The following EXOC2 variants were observed in gnomAD, a reference collection of about 807,000 sequenced individuals.
The protein encoded by EXOC2 is SEC5-like 1.
A neutral mutation model predicts 131.8 loss-of-function variants in EXOC2; 70 were observed. That is an observed-to-expected ratio of 0.53 (90% CI 0.44 to 0.65). The LOEUF is 0.65. EXOC2 is among the 30% of genes least tolerant of loss of function. The pLI, the probability that EXOC2 is intolerant of heterozygous loss-of-function variation, is 0.00. For synonymous variants in EXOC2, 411 were observed against 398.4 expected, an observed-to-expected ratio of 1.03 and a Z score of -0.38; for missense variants, 923 against 1,108.6, an observed-to-expected ratio of 0.83 and a Z score of 2.38.
intron 22 of EXOC2, among the ~76,000 whole-genome samples, chr6:537,990 A>G (rs1766566992): frequency 2.0e-5 from 3 of 152,218 alleles, no homozygotes; most frequent in Non-Finnish European, 4.4e-5. Flanking sequence ...GAACGTGTGC[A>G]TATGTAAAAA....
At chr6:600,309 T>G (rs1278589749) in intron 7 of EXOC2, among the ~76,000 whole-genome samples, 2 of 152,242 alleles carry the variant, frequency 1.3e-5, no homozygotes, top group Non-Finnish European at 2.9e-5. Flanking sequence ...ATTCTACATT[T>G]CTATTATAAG....
At chr6:683,278 T>G (rs1764494747) in intron 1 of EXOC2, among the ~76,000 whole-genome samples, 1 of 152,158 alleles carries the variant, frequency 6.6e-6, no homozygotes. Flanking sequence ...CCAAGTGATA[T>G]CAAGAGTCTA....
intron 1 of EXOC2, among the ~76,000 whole-genome samples, chr6:649,484 T>C (rs1233019758): frequency 6.6e-6 from 1 of 152,126 alleles, no homozygotes; most frequent in Non-Finnish European, 1.5e-5. Flanking sequence ...ACTTACGTAC[T>C]ATCCATTACC....
chr6:585,361 G>T (rs886718130), intron 11 of EXOC2, among the ~76,000 whole-genome samples: 12 of 152,182 alleles, frequency 7.9e-5, no homozygotes, highest in Non-Finnish European at 1.8e-4. Context: ...AGGTGTGTGA[G>T]GTGCAAGGGT....
intron 1 of EXOC2, among the ~76,000 whole-genome samples, chr6:650,152 T>G (rs928134593): frequency 6.6e-6 from 1 of 152,240 alleles, no homozygotes; most frequent in Non-Finnish European, 1.5e-5. Flanking sequence ...TATGGTACTC[T>G]AGATTTATTG....
At chr6:551,657 AG>A (rs1757150589) in intron 21 of EXOC2, among the ~76,000 whole-genome samples, 1 of 152,176 alleles carries the variant, frequency 6.6e-6, no homozygotes, top group Non-Finnish European at 1.5e-5. Context: ...AGTGCCAGCA[AG>A]GGGAAGACTC....
At chr6:536,503 A>C (rs1766452995) in intron 22 of EXOC2, among the ~76,000 whole-genome samples, 1 of 152,180 alleles carries the variant, frequency 6.6e-6, no homozygotes, top group South Asian at 2.1e-4. Context: ...ATTTTCTCCA[A>C]ATTCAATGAA....
At chr6:690,527 C>T (rs1443663561) in intron 1 of EXOC2, among the ~76,000 whole-genome samples, 1 of 152,022 alleles carries the variant, frequency 6.6e-6, no homozygotes, top group Non-Finnish European at 1.5e-5. Context: ...GACGGTGAAA[C>T]CCCGTCTCTA....
chr6:571,301 G>A (rs368028373), intron 13 of EXOC2, among the ~76,000 whole-genome samples: 10 of 152,184 alleles, frequency 6.6e-5, no homozygotes, highest in Non-Finnish European at 1.5e-4. Flanking sequence ...GTGCTTACAC[G>A]ATTGGTTTTT....
intron 6 of EXOC2, among the ~76,000 whole-genome samples, chr6:615,776 G>A (rs1223010356): frequency 6.6e-6 from 1 of 151,754 alleles, no homozygotes; most frequent in Non-Finnish European, 1.5e-5. Flanking sequence ...GTGAGGGGAT[G>A]GTTTTAGTTT....
At chr6:507,335 CCACACACACCACAGCAGTGACCCCACA>C (rs1419707173) in intron 23 of EXOC2, among the ~76,000 whole-genome samples, 3 of 54,030 alleles carry the variant, frequency 5.6e-5, no homozygotes, top group African/African-American at 1.0e-4. Context: ...GTGACCCCCC[CCACACACACCACAGCAGTGACCCCACA>C]CACACACACA....
chr6:628,061 G>T (rs1449194185), intron 4 of EXOC2, among the ~76,000 whole-genome samples: 5 of 152,164 alleles, frequency 3.3e-5, no homozygotes, highest in Admixed American at 3.3e-4. Flanking sequence ...ATCCTGTAAG[G>T]ATGAACACTT....
chr6:533,469 G>C (rs1237785607), intron 22 of EXOC2, among the ~76,000 whole-genome samples: 1 of 152,094 alleles, frequency 6.6e-6, no homozygotes, highest in Non-Finnish European at 1.5e-5. Context: ...GGGGCGTGCA[G>C]GTCAGGCCTT....
rs112441497 is a variant in EXOC2 at position 557,342 on chromosome 6, G to A, written c.1852-778C>T. Among the ~76,000 whole-genome samples the A allele has an allele frequency of 3.9e-3, 587 of 152,228 alleles. 5 individuals are homozygous for A. Among genetic ancestry groups the A allele is most frequent in the African/African-American group, 0.014 (564 of 41,544 alleles). On this transcript the variant is annotated intron_variant, in intron 17 of 27. Transcript: ENST00000230449. ...TGAATAAAAGAAGTAGAATTTGGCC[G>A]GGCGCAGTGGCTCACGCCTGTAATC...
chr6:607,165 GTGT>G (rs1760464188), intron 7 of EXOC2, among the ~76,000 whole-genome samples: 1 of 152,222 alleles, frequency 6.6e-6, no homozygotes, highest in South Asian at 2.1e-4. Flanking sequence ...GTTCTCCACG[GTGT>G]TGCTGGGGGA....
chr6:647,888 T>C (rs1414853591), intron 1 of EXOC2, among the ~76,000 whole-genome samples: 1 of 151,974 alleles, frequency 6.6e-6, no homozygotes, highest in African/African-American at 2.4e-5. Context: ...TGGATAGCCA[T>C]GAATCAAAAA....
intron 1 of EXOC2, among the ~76,000 whole-genome samples, chr6:653,441 T>G (rs530915660): frequency 1.3e-5 from 2 of 152,328 alleles, no homozygotes; most frequent in Non-Finnish European, 2.9e-5. Context: ...GCTTTATTGC[T>G]GATATGGAGA....
chr6:618,621 T>C (rs1761132320), intron 5 of EXOC2, among the ~76,000 whole-genome samples: 1 of 152,238 alleles, frequency 6.6e-6, no homozygotes, highest in African/African-American at 2.4e-5. Context: ...GCAATCAGGT[T>C]AAATTTACCC....
intron 23 of EXOC2, among the ~76,000 whole-genome samples, chr6:504,055 C>A (rs142901292): frequency 9.8e-4 from 150 of 152,328 alleles, no homozygotes; most frequent in African/African-American, 3.5e-3. Flanking sequence ...TGGGGTGGCC[C>A]GGCTCGCTGG....
Sources: gnomAD v4.1 joint callset for allele counts (sites outside exome capture counted in the v4.1 genomes callset) on GRCh38, gnomAD v4.1.1 for gene constraint, MANE v1.5 for transcripts, NCBI Gene and HGNC (gene_info 2026-07-23, HGNC 2026-07-21) for gene names.